OVCH1: variants seen among roughly 807,000 people sequenced by gnomAD.
The protein encoded by OVCH1 is ovochymase 1, also known as ovochymase-1.
Under a neutral mutation model 138.4 loss-of-function variants are expected in OVCH1, and 139 were observed. The ratio of observed to expected loss-of-function variants is 1.00; its 90% CI spans 0.87 to 1.16. OVCH1 has a LOEUF of 1.16. OVCH1 is among the 50% of genes most tolerant of loss of function. OVCH1 has a pLI of 0.00. For synonymous variants in OVCH1, 453 were observed against 467.8 expected (o/e 0.97, Z 0.41); for missense variants, 1,367 against 1,357.9 (o/e 1.01, Z -0.11).
intron 16 of OVCH1, among the ~76,000 whole-genome samples, chr12:29,466,086 G>C (rs1009781172): frequency 7.2e-6 from 1 of 138,316 alleles, no homozygotes; most frequent in Non-Finnish European, 1.5e-5. Flanking sequence ...ATCACACACC[G>C]GGGACTGTTG....
chr12:29,464,774 T>A (rs1286065919), intron 17 of OVCH1, 72 bp from the exon 18 acceptor site: 2 of 1,282,304 alleles, frequency 1.6e-6, no homozygotes, highest in Non-Finnish European at 2.2e-6. Flanking sequence ...TTGTTGATGG[T>A]CCAAAATAAT....
downstream of OVCH1, among the ~76,000 whole-genome samples, chr12:29,422,710 A>G (rs529797841): frequency 7.2e-5 from 11 of 152,266 alleles, no homozygotes; most frequent in South Asian, 6.2e-4. Flanking sequence ...GTTTGTTTCT[A>G]TTTTATTCAG....
Position 29,461,670 on chromosome 12 carries a change from G to GACA in OVCH1, c.2280+181_2280+183dup, listed in dbSNP as rs1168941337. 13 of 786,354 alleles carry GACA rather than the reference G, an allele frequency of 1.7e-5. 1 individual carries two copies. In the Admixed American group the frequency reaches 2.7e-4, roughly 16 times the overall value. The allele number at this position is 786,354 out of a possible 1,614,324, so 48.7% of individuals were successfully genotyped here. On this transcript the variant is annotated intron_variant, in intron 19 of 27. Coordinates refer to ENST00000318184, the Ensembl canonical transcript of OVCH1. ...GTACAGCTGCTTCCGGCCACTCTCT[G>GACA]ACATCTCAGCAAATTCGGATTAATT...
chr12:29,434,554 T>C (rs750646445), intron 26 of OVCH1, among the ~76,000 whole-genome samples: 1 of 151,594 alleles, frequency 6.6e-6, no homozygotes, highest in Middle Eastern at 3.2e-3. Flanking sequence ...GCACAAGAAA[T>C]TGAACAAAAA....
intron 16 of OVCH1, among the ~76,000 whole-genome samples, chr12:29,469,169 A>G (rs567171385): frequency 2.6e-5 from 4 of 152,294 alleles, no homozygotes; most frequent in Admixed American, 2.6e-4. Flanking sequence ...GTAACTTTAC[A>G]TTAGAGAAAC....
Position 29,451,549 on chromosome 12 carries a change from GC to G in OVCH1, c.2550del (p.Glu850AspfsTer2). 6.2e-7 allele frequency: 1 copy of G among 1,611,486 alleles called. No homozygotes were observed. The highest frequency in any genetic ancestry group is 1.1e-5 in the South Asian group (1 of 90,740). On this transcript the variant is annotated frameshift_variant, in exon 22 of 28. Coordinates refer to ENST00000318184, the Ensembl canonical transcript of OVCH1. LOFTEE classifies it high-confidence loss of function. The stretch of plus-strand genomic sequence containing the variant: ...GGAAAAAAGCCTCTAGGCTTTTCTA[GC>G]TCTGCTTCAGAGCAACAACCTGCAA...
chr12:29,461,834 T>C lies in OVCH1; in HGVS notation c.2280+20A>G. On this transcript the variant is annotated intron_variant, in intron 19 of 27. Coordinates refer to ENST00000318184, the Ensembl canonical transcript of OVCH1. ...GATGGCAATTTTCCACCTTCCTGTA[T>C]AAAACCAGAATCCTCTCACCTGGCA... The C allele has an allele frequency of 6.2e-7, 1 of 1,613,514 alleles. No individual in the cohort carries two copies. Among genetic ancestry groups the C allele is most frequent in the Non-Finnish European group, 8.5e-7 (1 of 1,179,662 alleles).
chr12:29,490,543 C>T (rs1462165598), intron 5 of OVCH1, among the ~76,000 whole-genome samples: 1 of 151,966 alleles, frequency 6.6e-6, no homozygotes, highest in African/African-American at 2.4e-5. Context: ...ATTACATCAC[C>T]CCACAGAGTT....
chr12:29,440,561 C>G (rs1941458196), intron 25 of OVCH1: 1 of 329,676 alleles, frequency 3.0e-6, no homozygotes, highest in African/African-American at 2.2e-5. Context: ...AACATGCCTT[C>G]TCTTATTTAA....
chr12:29,490,067 A>G (rs1038639326), intron 5 of OVCH1, among the ~76,000 whole-genome samples: 27 of 152,062 alleles, frequency 1.8e-4, no homozygotes, highest in African/African-American at 6.5e-4. Flanking sequence ...AATGTTTTAT[A>G]AAAATGATTT....
At chr12:29,408,662 TTGATCA>T (rs375336924), downstream of OVCH1, among the ~76,000 whole-genome samples, 33,043 of 135,130 alleles carry the variant, frequency 0.24, 3,220 homozygotes, top group Admixed American at 0.39. Flanking sequence ...TGAAGCCCAC[TTGATCA>T]TGGTGGATAA....
intron 3 of OVCH1, among the ~76,000 whole-genome samples, chr12:29,415,172 G>A (rs1453061317): frequency 6.6e-6 from 1 of 152,184 alleles, no homozygotes; most frequent in African/African-American, 2.4e-5. Flanking sequence ...TTATGTTACT[G>A]TTGGTATCAG....
intron 26 of OVCH1, among the ~76,000 whole-genome samples, chr12:29,438,857 T>G (rs1048629531): frequency 6.6e-6 from 1 of 152,242 alleles, no homozygotes; most frequent in African/African-American, 2.4e-5. Flanking sequence ...CCTTGTGTTC[T>G]TGGGATAAAT....
chr12:29,479,780 A>ATTTTT (rs377564129), intron 8 of OVCH1, among the ~76,000 whole-genome samples: 1 of 139,740 alleles, frequency 7.2e-6, no homozygotes, highest in Admixed American at 7.1e-5. Context: ...AACACTAATA[A>ATTTTT]TTTTTTTTTT....
intron 22 of OVCH1, among the ~76,000 whole-genome samples, 176 bp from the exon 23 acceptor site, chr12:29,445,579 G>T (rs1464997653): frequency 6.6e-6 from 1 of 152,042 alleles, no homozygotes; most frequent in Non-Finnish European, 1.5e-5. Context: ...AACTAGCCGG[G>T]TGGGAAGCTA....
At chr12:29,487,801 A>T in exon 7 of OVCH1, 2 of 1,606,414 alleles carry the variant, frequency 1.2e-6, no homozygotes, top group Non-Finnish European at 1.7e-6. Context: ...CCTCCAGCAC[A>T]ACCAGCTACC....
chr12:29,433,822 A>G, intron 26 of OVCH1: 1 of 1,391,506 alleles, frequency 7.2e-7, no homozygotes, highest in Non-Finnish European at 9.6e-7. Flanking sequence ...TACTAAAATT[A>G]AGTAAAATGT....
At chr12:29,494,610 A>G (rs528096402) in intron 4 of OVCH1, among the ~76,000 whole-genome samples, 1 of 152,234 alleles carries the variant, frequency 6.6e-6, no homozygotes, top group Admixed American at 6.5e-5. Context: ...AATGTAGTAT[A>G]TATACACAAC....
chr12:29,453,032 A>G (rs1400445286), intron 21 of OVCH1, among the ~76,000 whole-genome samples: 1 of 152,202 alleles, frequency 6.6e-6, no homozygotes, highest in Non-Finnish European at 1.5e-5. Flanking sequence ...CAAAAAATAC[A>G]TTAGATGGCA....
Sources: gnomAD v4.1 joint callset for allele counts (sites outside exome capture counted in the v4.1 genomes callset) on GRCh38, gnomAD v4.1.1 for gene constraint, MANE v1.5 for transcripts, NCBI Gene and HGNC (gene_info 2026-07-23, HGNC 2026-07-21) for gene names.